The following PTPRT variants were observed in gnomAD, a reference collection of about 807,000 sequenced individuals.
PTPRT encodes the protein protein tyrosine phosphatase receptor type T, also known as receptor-type tyrosine-protein phosphatase T.
Under a neutral mutation model 176.8 loss-of-function variants are expected in PTPRT, and 56 were observed. That is an observed-to-expected ratio of 0.32 (90% CI 0.26 to 0.40). PTPRT has a LOEUF of 0.40. Ranked by LOEUF, PTPRT falls within the 10% of genes least tolerant of loss-of-function variation. The probability of loss-of-function intolerance (pLI) is 1.00; values close to 1 mark genes in which losing one functional copy is unlikely to be tolerated. For synonymous variants in PTPRT, 783 were observed against 739.0 expected (o/e 1.06, Z -0.96); for missense variants, 1,540 against 1,908.2 (o/e 0.81, Z 3.60).
intron 1 of PTPRT, among the ~76,000 whole-genome samples, chr20:43,137,258 CA>C (rs1214127557): frequency 3.3e-5 from 5 of 152,200 alleles, no homozygotes; most frequent in African/African-American, 1.2e-4. Flanking sequence ...TCCTGACCCC[CA>C]AGATGTCAGT....
chr20:42,823,104 A>C (rs2077928004), intron 2 of PTPRT, among the ~76,000 whole-genome samples: 1 of 152,206 alleles, frequency 6.6e-6, no homozygotes, highest in Non-Finnish European at 1.5e-5. Flanking sequence ...TTAGTGCAGC[A>C]CTATTTACAA....
intron 9 of PTPRT, among the ~76,000 whole-genome samples, chr20:42,428,775 A>C (rs2059189621): frequency 6.6e-6 from 1 of 152,122 alleles, no homozygotes; most frequent in African/African-American, 2.4e-5. Context: ...ATTTCCCTAC[A>C]CAAGCCTTGT....
intron 7 of PTPRT, among the ~76,000 whole-genome samples, chr20:42,478,172 A>G (rs926360766): frequency 6.6e-6 from 1 of 152,118 alleles, no homozygotes; most frequent in Non-Finnish European, 1.5e-5. Flanking sequence ...GCACACACAT[A>G]TGTGGGGCCC....
In PTPRT at chr20:42,678,146, G is replaced by T. The variant is rs758960459; in HGVS notation, c.873C>A (p.Pro291=). ...CAGCCAGCAGCTCTGGGGGAGCAAT[G>T]GGCGTGGGAGGCTCTGTAAGACAAG... ...AELIVKEPPT[P]IAPPELLAVG... Residue 291 remains proline (P), a synonymous_variant, in exon 7 of 31, where the codon CCC becomes CCA. Transcript: ENST00000373187. The T allele has an allele frequency of 6.8e-6, 11 of 1,613,314 alleles. No individual in the cohort carries two copies. Among genetic ancestry groups the T allele is most frequent in the Non-Finnish European group, 7.6e-6 (9 of 1,179,462 alleles).
intron 19 of PTPRT, among the ~76,000 whole-genome samples, chr20:42,124,140 G>A (rs1355680367): frequency 3.3e-5 from 5 of 152,238 alleles, no homozygotes; most frequent in Non-Finnish European, 7.3e-5. Flanking sequence ...AGACTCCTCA[G>A]CAAAGGAGAT....
At chr20:42,983,231 G>GCCA (rs1402342078) in intron 1 of PTPRT, among the ~76,000 whole-genome samples, 3 of 152,078 alleles carry the variant, frequency 2.0e-5, no homozygotes, top group African/African-American at 7.2e-5. Flanking sequence ...TTAAATTTAG[G>GCCA]CCACTTTGTA....
intron 13 of PTPRT, among the ~76,000 whole-genome samples, chr20:42,259,437 G>C (rs1035944332): frequency 1.3e-5 from 2 of 152,120 alleles, no homozygotes; most frequent in African/African-American, 2.4e-5. Flanking sequence ...CCTTTTAAAG[G>C]TTTCACCGTT....
intron 1 of PTPRT, among the ~76,000 whole-genome samples, chr20:42,953,159 A>G (rs1981365711): frequency 6.6e-6 from 1 of 152,182 alleles, no homozygotes; most frequent in Middle Eastern, 3.2e-3. Context: ...AACCAAATCT[A>G]AACTAAATGA....
At chr20:42,532,343 A>G (rs2072399421) in intron 7 of PTPRT, among the ~76,000 whole-genome samples, 1 of 152,178 alleles carries the variant, frequency 6.6e-6, no homozygotes, top group African/African-American at 2.4e-5. Context: ...GCATGATTCT[A>G]GAAGTCCTCC....
intron 29 of PTPRT, among the ~76,000 whole-genome samples, chr20:42,084,420 C>A (rs890812021): frequency 6.6e-6 from 1 of 152,220 alleles, no homozygotes; most frequent in Non-Finnish European, 1.5e-5. Flanking sequence ...GAGAAGCAGG[C>A]AACCTCCTCT....
At chr20:42,507,484 G>C (rs1019595740) in intron 7 of PTPRT, among the ~76,000 whole-genome samples, 5 of 152,018 alleles carry the variant, frequency 3.3e-5, no homozygotes, top group African/African-American at 1.2e-4. Flanking sequence ...AAACATTGGA[G>C]ATACACCACT....
chr20:42,141,780 A>G (rs1333645827), intron 18 of PTPRT, 135 bp downstream of exon 18: 3 of 843,946 alleles, frequency 3.6e-6, no homozygotes, highest in Non-Finnish European at 5.8e-6. Flanking sequence ...TAAAGCTTCC[A>G]TCTTGGCATG....
At chr20:42,478,029 GC>G (rs376107870) in intron 7 of PTPRT, among the ~76,000 whole-genome samples, 3 of 152,140 alleles carry the variant, frequency 2.0e-5, no homozygotes, top group South Asian at 2.1e-4. Flanking sequence ...AGAATTCCCT[GC>G]CACGAGGCCC....
chr20:42,555,067 A>G (rs1161444405), intron 7 of PTPRT, among the ~76,000 whole-genome samples: 1 of 152,150 alleles, frequency 6.6e-6, no homozygotes, highest in Non-Finnish European at 1.5e-5. Flanking sequence ...TTGTCAGCAG[A>G]TCAGATTGTG....
intron 7 of PTPRT, among the ~76,000 whole-genome samples, chr20:42,577,547 T>G (rs1254662837): frequency 1.3e-5 from 2 of 152,144 alleles, no homozygotes; most frequent in Non-Finnish European, 2.9e-5. Flanking sequence ...CTGGGGATGT[T>G]TAGCTCCTCT....
intron 7 of PTPRT, among the ~76,000 whole-genome samples, chr20:42,631,872 G>T (rs6030385): frequency 6.6e-6 from 1 of 151,980 alleles, no homozygotes; most frequent in African/African-American, 2.4e-5. Flanking sequence ...GACCATCCTG[G>T]GAGATAACCT....
intron 6 of PTPRT, among the ~76,000 whole-genome samples, chr20:42,705,742 A>C (rs142228352): frequency 6.6e-6 from 1 of 152,050 alleles, no homozygotes; most frequent in Non-Finnish European, 1.5e-5. Flanking sequence ...CTTGGCTTCT[A>C]TTGTGGCTTC....
At chr20:42,222,576 C>A (rs779478409) in intron 15 of PTPRT, among the ~76,000 whole-genome samples, 2 of 152,046 alleles carry the variant, frequency 1.3e-5, no homozygotes, top group Non-Finnish European at 2.9e-5. Flanking sequence ...GGGAGGAATG[C>A]TGATTTTATG....
At chr20:42,746,339 C>T (rs149019490) in intron 6 of PTPRT, among the ~76,000 whole-genome samples, 359 of 152,258 alleles carry the variant, frequency 2.4e-3, no homozygotes, top group South Asian at 5.2e-3. Context: ...CTAATGGTGA[C>T]GTTATCAAAG....
Sources: gnomAD v4.1 joint callset for allele counts (sites outside exome capture counted in the v4.1 genomes callset) on GRCh38, gnomAD v4.1.1 for gene constraint, MANE v1.5 for transcripts, NCBI Gene and HGNC (gene_info 2026-07-23, HGNC 2026-07-21) for gene names.